GALNT18: variants seen among roughly 807,000 people sequenced by gnomAD.
GALNT18 encodes GalNAc-transferase 18.
Under a neutral mutation model 69.5 loss-of-function variants are expected in GALNT18, and 44 were observed. That is an observed-to-expected ratio of 0.63 (90% CI 0.50 to 0.81). The LOEUF (loss-of-function observed/expected upper bound fraction) is 0.81. GALNT18 is among the 40% of genes least tolerant of loss of function. The pLI is 0.00. For missense variants in GALNT18, 715 were observed against 810.0 expected (o/e 0.88, Z 1.42); for synonymous variants, 364 against 318.2 (o/e 1.14, Z -1.53).
rs897952607 is a variant in GALNT18 at position 11,309,621 on chromosome 11, T to G, written c.1513-16428A>C. ...GGAGGCTAGCACCACCAGAGAAAAT[T>G]CATGGAACTGGGTAAATTAAATCCA... On this transcript the variant is annotated intron_variant, in intron 9 of 10. Transcript: ENST00000227756. The surrounding 1 kb of genome is among the most constrained non-coding windows in gnomAD (Gnocchi z 4.6). Among the ~76,000 whole-genome samples, 1 of 152,098 alleles carries G rather than the reference T, an allele frequency of 6.6e-6. No individual in the cohort carries two copies. Among genetic ancestry groups the G allele is most frequent in the African/African-American group, 2.4e-5 (1 of 41,426 alleles).
intron 2 of GALNT18, among the ~76,000 whole-genome samples, chr11:11,447,738 A>G (rs988402513): frequency 2.0e-5 from 3 of 152,154 alleles, no homozygotes; most frequent in South Asian, 2.1e-4. Context: ...CTTACTCACT[A>G]TCAGGAGAAC....
At chr11:11,349,682 AT>A (rs770972465) in intron 6 of GALNT18, among the ~76,000 whole-genome samples, 47 of 152,214 alleles carry the variant, frequency 3.1e-4, no homozygotes, top group Non-Finnish European at 5.7e-4. Flanking sequence ...AATTGCACGA[AT>A]GAAGGAACCA....
chr11:11,473,705 C>T (rs1184880669), intron 1 of GALNT18, among the ~76,000 whole-genome samples: 10 of 152,192 alleles, frequency 6.6e-5, no homozygotes, highest in Admixed American at 1.3e-4. Flanking sequence ...TCTAAGCCAG[C>T]AAGTTTGTTA....
chr11:11,557,857 C>T (rs1223619809), intron 1 of GALNT18, among the ~76,000 whole-genome samples: 1 of 152,242 alleles, frequency 6.6e-6, no homozygotes, highest in Non-Finnish European at 1.5e-5. Context: ...GTGATCACAG[C>T]TGGTCCGTGT....
intron 1 of GALNT18, among the ~76,000 whole-genome samples, chr11:11,485,283 T>C (rs4910010): frequency 0.47 from 70,997 of 152,054 alleles, 16,917 homozygotes; most frequent in East Asian, 0.72. Flanking sequence ...CTTCAGATGC[T>C]GCTTGCAAGT....
intron 6 of GALNT18, among the ~76,000 whole-genome samples, chr11:11,367,589 C>G (rs1434180245): frequency 6.6e-6 from 1 of 152,158 alleles, no homozygotes; most frequent in Non-Finnish European, 1.5e-5. Context: ...CTCTGGACAC[C>G]ACGGTGGGGC....
intron 1 of GALNT18, among the ~76,000 whole-genome samples, chr11:11,484,240 G>A (rs1856594022): frequency 6.6e-6 from 1 of 152,104 alleles, no homozygotes; most frequent in African/African-American, 2.4e-5. Flanking sequence ...AATGCAACAA[G>A]CCTACTGCTG....
Position 11,314,899 on chromosome 11 carries a change from A to C in GALNT18, c.1512+12187T>G, listed in dbSNP as rs1849725208. Among the ~76,000 whole-genome samples the C allele has an allele frequency of 6.6e-6, 1 of 152,188 alleles. No individual in the cohort carries two copies. The highest frequency in any genetic ancestry group is 2.1e-4 in the South Asian group (1 of 4,826). On this transcript the variant is annotated intron_variant, in intron 9 of 10. Coordinates refer to ENST00000227756, the MANE Select transcript of GALNT18 (RefSeq NM_198516.3). The surrounding 1 kb of genome is among the most constrained non-coding windows in gnomAD (Gnocchi z 5.2). ...TCATGTTCTAGGACTTATGGCCTAC[A>C]CACTCAACTATTGGTGGTGGGGCCT... is the stretch of plus-strand genomic sequence containing the variant.
intron 9 of GALNT18, among the ~76,000 whole-genome samples, chr11:11,296,059 T>C (rs10500746): frequency 0.013 from 1,973 of 152,008 alleles, 122 homozygotes; most frequent in Admixed American, 0.1. Context: ...ATGGAGAAAA[T>C]TAAACAGCCA....
intron 6 of GALNT18, among the ~76,000 whole-genome samples, chr11:11,357,535 C>A (rs551567935): frequency 2.0e-5 from 3 of 152,346 alleles, no homozygotes; most frequent in South Asian, 2.1e-4. Context: ...ACTATTCCCC[C>A]CAAAGCCTTC....
At position 11,337,287 on chromosome 11, in the gene GALNT18, G is replaced by T. The variant is rs534122492; in HGVS notation, c.1278+3532C>A. Among the ~76,000 whole-genome samples the T allele has an allele frequency of 6.6e-6, 1 of 152,144 alleles. No individual in the cohort carries two copies. Among genetic ancestry groups the T allele is most frequent in the African/African-American group, 2.4e-5 (1 of 41,430 alleles). ...ACTCATTAATAAGCGTTAGCAAGGCGTCACCAAGCTCTTACCATGCGCCCT... is the reference window on the plus strand; with the variant it reads ...ACTCATTAATAAGCGTTAGCAAGGCTTCACCAAGCTCTTACCATGCGCCCT... On this transcript the variant is annotated intron_variant, in intron 7 of 10. Transcript: ENST00000227756. The surrounding 1 kb of genome is among the most constrained non-coding windows in gnomAD (Gnocchi z 4.9).
At chr11:11,476,906 G>A (rs547807232) in intron 1 of GALNT18, among the ~76,000 whole-genome samples, 13 of 152,342 alleles carry the variant, frequency 8.5e-5, no homozygotes, top group African/African-American at 3.1e-4. Context: ...AAATTAATTA[G>A]TGATTCACTT....
At chr11:11,447,867 G>A (rs58903158) in intron 2 of GALNT18, among the ~76,000 whole-genome samples, 1,586 of 152,306 alleles carry the variant, frequency 0.01, 26 homozygotes, top group African/African-American at 0.036. Flanking sequence ...CAGCCAAACC[G>A]TATCATCCCT....
chr11:11,415,782 A>G lies in GALNT18; in HGVS notation c.595+16839T>C, dbSNP rs1176424434. On this transcript the variant is annotated intron_variant, in intron 3 of 10. Coordinates refer to ENST00000227756, the MANE Select transcript of GALNT18 (RefSeq NM_198516.3). The surrounding 1 kb of genome is among the most constrained non-coding windows in gnomAD (Gnocchi z 4.1). ...CCACCCATCTCATTTGCAAAGCAGG[A>G]GGGTGGGATTTGTTTTTCCTGCCAC... Among the ~76,000 whole-genome samples, 1 of 152,122 alleles carries G rather than the reference A, an allele frequency of 6.6e-6. No individual in the cohort carries two copies. Among genetic ancestry groups the G allele is most frequent in the Admixed American group, 6.5e-5 (1 of 15,268 alleles).
At chr11:11,327,065 G>A (rs1849933825) in intron 9 of GALNT18, 21 bp downstream of exon 9, 1 of 1,562,734 alleles carries the variant, frequency 6.4e-7, no homozygotes, top group Non-Finnish European at 8.8e-7. Context: ...TCCTGGCACA[G>A]GAATCTCTTA....
Position 11,382,479 on chromosome 11 carries a change from C to T in GALNT18, c.596-3215G>A, listed in dbSNP as rs1049615990. Among the ~76,000 whole-genome samples, 1 of 152,194 alleles carries T rather than the reference C, an allele frequency of 6.6e-6. No individual in the cohort carries two copies. Among genetic ancestry groups the T allele is most frequent in the East Asian group, 1.9e-4 (1 of 5,192 alleles). On this transcript the variant is annotated intron_variant, in intron 3 of 10. Coordinates refer to ENST00000227756, the MANE Select transcript of GALNT18 (RefSeq NM_198516.3). The surrounding 1 kb of genome is among the most constrained non-coding windows in gnomAD (Gnocchi z 4.3). Reference sequence around the variant, plus strand: ...TTTTATATACACATAAACACACACACATACCTGTTCACATATAATATCTCT... The same window carrying T: ...TTTTATATACACATAAACACACACATATACCTGTTCACATATAATATCTCT...
At chr11:11,286,031 C>T (rs940021085) in intron 10 of GALNT18, among the ~76,000 whole-genome samples, 1 of 152,222 alleles carries the variant, frequency 6.6e-6, no homozygotes, top group African/African-American at 2.4e-5. Flanking sequence ...CGCAACGTTC[C>T]CCACTTGGAA....
In GALNT18 at chr11:11,470,105, G is replaced by A; in HGVS notation, c.236-21169C>T. Among the ~76,000 whole-genome samples the A allele has an allele frequency of 6.6e-6, 1 of 152,224 alleles. No homozygotes were observed. The highest frequency in any genetic ancestry group is 1.9e-4 in the East Asian group (1 of 5,198). Reference sequence around the variant, plus strand: ...TGCCAATTGACAGGGACACTTGGATGAGGATGGTTTTGAAGCTGTGACCAA... The same window carrying A: ...TGCCAATTGACAGGGACACTTGGATAAGGATGGTTTTGAAGCTGTGACCAA... On this transcript the variant is annotated intron_variant, in intron 1 of 10. Coordinates refer to ENST00000227756, the MANE Select transcript of GALNT18 (RefSeq NM_198516.3). This position sits in a 1 kb window ranked among gnomAD's most constrained non-coding sequence, Gnocchi z 4.8.
intron 3 of GALNT18, among the ~76,000 whole-genome samples, chr11:11,399,097 G>C (rs188181823): frequency 3.1e-4 from 47 of 152,274 alleles, no homozygotes; most frequent in African/African-American, 1.0e-3. Flanking sequence ...ACCTTTGAGA[G>C]GTAGTTAGAA....
Sources: allele counts gnomAD v4.1 joint callset (sites outside exome capture counted in the v4.1 genomes callset), GRCh38; gene constraint gnomAD v4.1.1; non-coding constraint Gnocchi (gnomAD v3.1); transcripts MANE v1.5; gene names NCBI Gene and HGNC (gene_info 2026-07-23, HGNC 2026-07-21).